ZBTB16: variants seen among roughly 807,000 people sequenced by gnomAD.
ZBTB16 encodes the protein zinc finger and BTB domain-containing protein 16.
ZBTB16 carries 8 observed loss-of-function variants against 56.8 expected under a neutral mutation model. That is an observed-to-expected ratio of 0.14 (90% CI 0.08 to 0.25). The LOEUF is 0.25. ZBTB16 is among the 10% of genes least tolerant of loss of function. ZBTB16 has a pLI of 1.00. For missense variants in ZBTB16, 625 were observed against 903.0 expected (o/e 0.69, Z 3.95); for synonymous variants, 363 against 368.5 (o/e 0.98, Z 0.17).
intron 4 of ZBTB16, chr11:114,209,580 C>T: frequency 1.0e-6 from 1 of 985,396 alleles, no homozygotes; most frequent in Non-Finnish European, 1.2e-6. Flanking sequence ...CTTGGACAAT[C>T]ATTTCTTGCA....
At chr11:114,235,691 T>TC (rs147194616) in intron 4 of ZBTB16, among the ~76,000 whole-genome samples, 1 of 13,106 alleles carries the variant, frequency 7.6e-5, no homozygotes, top group Non-Finnish European at 1.8e-4. Flanking sequence ...TCTTTCTTTC[T>TC]TTTCTTTCTT....
chr11:114,196,999 G>A (rs997488570), intron 4 of ZBTB16, among the ~76,000 whole-genome samples: 2 of 152,076 alleles, frequency 1.3e-5, no homozygotes, highest in Non-Finnish European at 2.9e-5. Context: ...CCCTGTGGGG[G>A]CCTGGGCATC....
chr11:114,184,223 C>T (rs1185806277), intron 3 of ZBTB16, among the ~76,000 whole-genome samples: 1 of 152,168 alleles, frequency 6.6e-6, no homozygotes, highest in Non-Finnish European at 1.5e-5. Flanking sequence ...AAAGTCGATA[C>T]CCCCAGAGGA....
intron 4 of ZBTB16, among the ~76,000 whole-genome samples, chr11:114,235,525 C>A (rs1175308345): frequency 6.6e-6 from 1 of 152,196 alleles, no homozygotes; most frequent in Non-Finnish European, 1.5e-5. Context: ...ACCCCGTCAT[C>A]ACCTGGGTGA....
chr11:114,246,298 A>G (rs1315375547), intron 5 of ZBTB16, among the ~76,000 whole-genome samples: 1 of 152,178 alleles, frequency 6.6e-6, no homozygotes, highest in Non-Finnish European at 1.5e-5. Context: ...GCTGACAAGT[A>G]TATGGTACCC....
intron 3 of ZBTB16, among the ~76,000 whole-genome samples, chr11:114,167,231 G>GTTTTTTTTTTTTTTTTT (rs1565663129): frequency 2.3e-5 from 1 of 43,206 alleles, no homozygotes; most frequent in East Asian, 1.2e-3. Context: ...TTTTTTTTTT[G>GTTTTTTTTTTTTTTTTT]GTTTTTTTTT....
chr11:114,147,301 A>G lies in ZBTB16; in HGVS notation c.1269-9036A>G, dbSNP rs1435191127. Among the ~76,000 whole-genome samples the G allele has an allele frequency of 2.0e-5, 3 of 152,346 alleles. No individual in the cohort carries two copies. The East Asian group carries it at 5.8e-4, about 29-fold the overall frequency. ...GTCTCCCTGGCTAGAGTGGAAACAT[A>G]TAAAAATGATCCTGGATAACCAGGA... On this transcript the variant is annotated intron_variant, in intron 2 of 6. Transcript: ENST00000335953.
At chr11:114,135,280 T>C (rs1941769294) in intron 2 of ZBTB16, among the ~76,000 whole-genome samples, 1 of 152,192 alleles carries the variant, frequency 6.6e-6, no homozygotes, top group Non-Finnish European at 1.5e-5. Context: ...CCTGAAGATG[T>C]ACAATTTGTG....
At chr11:114,172,692 C>T (rs142563304) in intron 3 of ZBTB16, among the ~76,000 whole-genome samples, 3 of 152,180 alleles carry the variant, frequency 2.0e-5, no homozygotes, top group Admixed American at 6.5e-5. Context: ...CAAAGGTGCA[C>T]GTGGAAGAGC....
At chr11:114,162,797 G>T (rs997247589) in intron 3 of ZBTB16, among the ~76,000 whole-genome samples, 1 of 152,174 alleles carries the variant, frequency 6.6e-6, no homozygotes, top group Admixed American at 6.5e-5. Context: ...CCTTCGGTCC[G>T]CATGGGTGAT....
At chr11:114,179,880 A>AG (rs1409542886) in intron 3 of ZBTB16, among the ~76,000 whole-genome samples, 2 of 152,068 alleles carry the variant, frequency 1.3e-5, no homozygotes, top group Non-Finnish European at 2.9e-5. Context: ...TTCTTTGACA[A>AG]GGGGGAGAGG....
chr11:114,233,617 T>A (rs1944503280), intron 4 of ZBTB16, among the ~76,000 whole-genome samples: 1 of 152,238 alleles, frequency 6.6e-6, no homozygotes, highest in Admixed American at 6.5e-5. Context: ...CCTTTTTTTT[T>A]AAAACCTCCT....
At chr11:114,129,576 G>A (rs567875396) in intron 2 of ZBTB16, among the ~76,000 whole-genome samples, 44 of 152,162 alleles carry the variant, frequency 2.9e-4, no homozygotes, top group African/African-American at 9.9e-4. Context: ...CTTGCCCTCC[G>A]CCCCTTTTTC....
At chr11:114,140,159 C>T (rs1941908540) in intron 2 of ZBTB16, among the ~76,000 whole-genome samples, 1 of 152,172 alleles carries the variant, frequency 6.6e-6, no homozygotes, top group Admixed American at 6.5e-5. Flanking sequence ...TGGAATGATG[C>T]TGTTTTGGTG....
At position 114,250,500 on chromosome 11, in the gene ZBTB16, A is replaced by C; in HGVS notation, c.1967A>C (p.Glu656Ala). 1 of 1,614,162 alleles carries C rather than the reference A, an allele frequency of 6.2e-7. No individual in the cohort carries two copies. The highest frequency in any genetic ancestry group is 8.5e-7 in the Non-Finnish European group (1 of 1,180,014). ...QKHMKGHKPE[E>A]IPPDWRIEKT... ...CACATGAAGGGCCACAAGCCCGAGG[A>C]GATCCCGCCCGACTGGAGGATAGAG... The change falls in exon 7 of 7, where the codon GAG becomes GCG. Residue 656 changes from glutamate (E) to alanine (A), a missense_variant. This residue lies in a region of ZBTB16 where 40 missense variants were observed against 93.2 expected (regional missense o/e 0.43). Coordinates refer to ENST00000335953, the MANE Select transcript of ZBTB16 (RefSeq NM_006006.6). The surrounding 1 kb of genome is among the most constrained non-coding windows in gnomAD (Gnocchi z 6.0).
intron 4 of ZBTB16, 137 bp downstream of exon 4, chr11:114,187,175 G>A (rs552363577): frequency 1.5e-4 from 124 of 819,328 alleles, no homozygotes; most frequent in Non-Finnish European, 2.4e-4. Context: ...AGTAGGATGG[G>A]CTTCTGCCAC....
At chr11:114,233,315 C>T (rs6589417) in intron 4 of ZBTB16, among the ~76,000 whole-genome samples, 166 of 151,994 alleles carry the variant, frequency 1.1e-3, no homozygotes, top group African/African-American at 3.9e-3. Context: ...AGCTACTTCC[C>T]GGAATGTGGT....
At chr11:114,195,224 G>A (rs1943577846) in intron 4 of ZBTB16, among the ~76,000 whole-genome samples, 1 of 152,168 alleles carries the variant, frequency 6.6e-6, no homozygotes, top group African/African-American at 2.4e-5. Flanking sequence ...GTAGGAGGCC[G>A]GGCAGTCTTC....
chr11:114,103,727 A>G (rs181808503), intron 2 of ZBTB16, among the ~76,000 whole-genome samples: 1 of 152,162 alleles, frequency 6.6e-6, no homozygotes, highest in Non-Finnish European at 1.5e-5. Flanking sequence ...AGATAGAGGT[A>G]ACGTTTAACC....
Sources: allele counts gnomAD v4.1 joint callset (sites outside exome capture counted in the v4.1 genomes callset), GRCh38; gene constraint gnomAD v4.1.1; regional missense constraint gnomAD v4.1.1; non-coding constraint Gnocchi (gnomAD v3.1); transcripts MANE v1.5; gene names NCBI Gene and HGNC (gene_info 2026-07-23, HGNC 2026-07-21).